The following PRPH2 variants were observed in gnomAD, a reference collection of about 807,000 sequenced individuals.
PRPH2 encodes the protein peripherin 2.
PRPH2 carries 17 observed loss-of-function variants against 31.3 expected under a neutral mutation model. That is an observed-to-expected ratio of 0.54 (90% CI 0.37 to 0.81). The LOEUF is 0.81. Ranked by LOEUF, PRPH2 falls within the 40% of genes least tolerant of loss-of-function variation. The probability of loss-of-function intolerance (pLI) is 0.00; values close to 1 mark genes in which losing one functional copy is unlikely to be tolerated. For synonymous variants in PRPH2, 165 were observed against 184.4 expected (o/e 0.89, Z 0.85); for missense variants, 430 against 439.7 (o/e 0.98, Z 0.20).
intron 1 of PRPH2, among the ~76,000 whole-genome samples, chr6:42,720,572 C>A (rs1761884592): frequency 6.6e-6 from 1 of 152,164 alleles, no homozygotes; most frequent in African/African-American, 2.4e-5. Context: ...CTTGGACGTC[C>A]CTTCCATCTG....
chr6:42,706,036 C>T (rs937103601), intron 1 of PRPH2, among the ~76,000 whole-genome samples: 2 of 151,566 alleles, frequency 1.3e-5, no homozygotes, highest in Non-Finnish European at 2.9e-5. Flanking sequence ...TTTGGGAGGC[C>T]CAGGTGGGCA....
intron 1 of PRPH2, among the ~76,000 whole-genome samples, chr6:42,708,186 C>A (rs548418119): frequency 6.6e-6 from 1 of 152,296 alleles, no homozygotes; most frequent in South Asian, 2.1e-4. Flanking sequence ...CATGGGAGAG[C>A]CCTCCCTGGG....
chr6:42,704,665 C>A, intron 1 of PRPH2, 54 bp from the exon 2 acceptor site: 3 of 1,612,576 alleles, frequency 1.9e-6, no homozygotes, highest in Non-Finnish European at 2.5e-6. Flanking sequence ...TCAACAGGGG[C>A]CACTTCCTCC....
chr6:42,718,463 G>A (rs1761831507), intron 1 of PRPH2, among the ~76,000 whole-genome samples: 1 of 151,834 alleles, frequency 6.6e-6, no homozygotes, highest in Admixed American at 6.6e-5. Flanking sequence ...GTGAGACCCT[G>A]CCTCAAAATA....
intron 2 of PRPH2, among the ~76,000 whole-genome samples, chr6:42,701,710 A>G (rs1400088297): frequency 1.7e-4 from 4 of 23,902 alleles, no homozygotes; most frequent in African/African-American, 2.6e-4. Flanking sequence ...TTTTTTTTTT[A>G]GTAGAGATGA....
In PRPH2 at chr6:42,696,938, G is replaced by A. The variant is rs405059; in HGVS notation, c.*1357C>T. Reference sequence around the variant, plus strand: ...CTACACTGAAGTTCTTAGGACAGCAGAGAACCCAAACTCAGTCCAAAGTAA... The same window carrying A: ...CTACACTGAAGTTCTTAGGACAGCAAAGAACCCAAACTCAGTCCAAAGTAA... On this transcript the variant is annotated 3_prime_UTR_variant, in exon 3 of 3. Coordinates refer to ENST00000230381, the MANE Select transcript of PRPH2 (RefSeq NM_000322.5). 0.77 allele frequency: 117,334 copies of A among 151,946 alleles called. 45,449 individuals carry two copies. The highest frequency in any genetic ancestry group is 0.86 in the East Asian group (4,453 of 5,156). The allele number at this position is 151,946 out of a possible 1,614,324, so 9.4% of individuals were successfully genotyped here. A position where few individuals can be genotyped will look rare whatever the true frequency, so the allele number is the denominator to read the frequency against.
intron 2 of PRPH2, among the ~76,000 whole-genome samples, chr6:42,703,260 C>G (rs1800079616): frequency 1.3e-5 from 2 of 151,988 alleles, no homozygotes; most frequent in African/African-American, 2.4e-5. Context: ...TCTCTTTAAC[C>G]AAAGAGCGAA....
chr6:42,711,034 T>C (rs950978778), intron 1 of PRPH2, among the ~76,000 whole-genome samples: 1 of 152,184 alleles, frequency 6.6e-6, no homozygotes, highest in African/African-American at 2.4e-5. Context: ...TATGCTTTGA[T>C]GATTGCTTTT....
chr6:42,709,368 C>A (rs1261814163), intron 1 of PRPH2, among the ~76,000 whole-genome samples: 1 of 141,310 alleles, frequency 7.1e-6, no homozygotes, highest in Admixed American at 7.1e-5. Flanking sequence ...TGGGTCCAGC[C>A]CACAGCAGTT....
At chr6:42,708,219 C>A (rs1800206243) in intron 1 of PRPH2, among the ~76,000 whole-genome samples, 1 of 152,160 alleles carries the variant, frequency 6.6e-6, no homozygotes, top group Non-Finnish European at 1.5e-5. Flanking sequence ...CAGGTTCTAC[C>A]AGCTGTGGCA....
intron 1 of PRPH2, among the ~76,000 whole-genome samples, chr6:42,705,412 T>C (rs931006377): frequency 6.6e-6 from 1 of 151,212 alleles, no homozygotes; most frequent in South Asian, 2.1e-4. Context: ...CAAAACTCCC[T>C]GAGCTGCACA....
intron 1 of PRPH2, among the ~76,000 whole-genome samples, chr6:42,720,636 A>G (rs1761885593): frequency 6.6e-6 from 1 of 152,214 alleles, no homozygotes; most frequent in South Asian, 2.1e-4. Flanking sequence ...TTTGGGCTTC[A>G]AACATGTCCT....
chr6:42,708,353 G>T (rs1030255598), intron 1 of PRPH2, among the ~76,000 whole-genome samples: 5 of 152,230 alleles, frequency 3.3e-5, no homozygotes, highest in African/African-American at 1.2e-4. Flanking sequence ...AGCCATGTGC[G>T]TGGGGAAGGC....
rs1799955512 is a variant in PRPH2, at chr6:42,697,056, T to G, written c.*1239A>C. 1 of 152,030 alleles carries G rather than the reference T, an allele frequency of 6.6e-6. No individual in the cohort carries two copies. 9.4% of individuals were successfully genotyped at this position (152,030 alleles called of 1,614,324 possible). ...CTTCTGGCCTCGGTCTCCAGCCAGG[T>G]AGGAACGAGCTCTCTTGAATGTTCA... is the stretch of plus-strand genomic sequence containing the variant. On this transcript the variant is annotated 3_prime_UTR_variant, in exon 3 of 3. Coordinates refer to ENST00000230381, the MANE Select transcript of PRPH2 (RefSeq NM_000322.5).
chr6:42,699,106 G>A (rs1296418244), intron 2 of PRPH2, among the ~76,000 whole-genome samples: 2 of 150,444 alleles, frequency 1.3e-5, no homozygotes, highest in Non-Finnish European at 2.9e-5. Context: ...ATGCTGGAGT[G>A]CAGTGGCGTG....
At chr6:42,721,351 C>T (rs928735225) in intron 1 of PRPH2, among the ~76,000 whole-genome samples, 1 of 152,154 alleles carries the variant, frequency 6.6e-6, no homozygotes, top group African/African-American at 2.4e-5. Context: ...GGACTGAATC[C>T]ATCTACTTTG....
intron 1 of PRPH2, among the ~76,000 whole-genome samples, chr6:42,713,091 G>C (rs977495607): frequency 1.3e-5 from 2 of 151,874 alleles, no homozygotes; most frequent in African/African-American, 4.8e-5. Flanking sequence ...CAGGTATGAT[G>C]GTGGGCACCT....
chr6:42,698,214 C>A lies in PRPH2; in HGVS notation c.*81G>T. 3 of 1,579,724 alleles carry A rather than the reference C, an allele frequency of 1.9e-6. No individual in the cohort carries two copies. Among genetic ancestry groups the A allele is most frequent in the South Asian group, 1.1e-5 (1 of 88,800 alleles). On this transcript the variant is annotated 3_prime_UTR_variant, in exon 3 of 3. Coordinates refer to ENST00000230381, the MANE Select transcript of PRPH2 (RefSeq NM_000322.5). The stretch of plus-strand genomic sequence containing the variant: ...GCCCTCCTTGGGAGATTCAGACTTT[C>A]GGAGTTGGATGAGGGGGAGATCCAC...
chr6:42,705,832 G>T (rs1474637214), intron 1 of PRPH2, among the ~76,000 whole-genome samples: 1 of 149,638 alleles, frequency 6.7e-6, no homozygotes, highest in African/African-American at 2.5e-5. Context: ...GGTGGCACGC[G>T]CCTGTAGTCC....
Sources: gnomAD v4.1 joint callset for allele counts (sites outside exome capture counted in the v4.1 genomes callset) on GRCh38, gnomAD v4.1.1 for gene constraint, MANE v1.5 for transcripts, NCBI Gene and HGNC (gene_info 2026-07-23, HGNC 2026-07-21) for gene names.